The following SYT1 variants were observed in gnomAD, a reference collection of about 807,000 sequenced individuals.
SYT1 encodes synaptotagmin-1.
In SYT1, 8 loss-of-function variants were observed where a neutral mutation model predicts 44.8. The ratio of observed to expected loss-of-function variants is 0.18; its 90% CI spans 0.10 to 0.32. The LOEUF is 0.32. Ranked by LOEUF, SYT1 falls within the 10% of genes least tolerant of loss-of-function variation. The pLI, the probability that SYT1 is intolerant of heterozygous loss-of-function variation, is 1.00. For synonymous variants in SYT1, 154 were observed against 188.8 expected (o/e 0.82, Z 1.51); for missense variants, 286 against 509.3 (o/e 0.56, Z 4.22).
At chr12:78,923,512 C>A (rs1877123660) in intron 1 of SYT1, among the ~76,000 whole-genome samples, 3 of 151,686 alleles carry the variant, frequency 2.0e-5, no homozygotes, top group South Asian at 2.1e-4. Context: ...AGCTGACTTA[C>A]CCTTAAATTG....
intron 3 of SYT1, among the ~76,000 whole-genome samples, chr12:79,098,300 T>TAAAGAGGCCCC (rs1878263205): frequency 6.6e-6 from 1 of 152,056 alleles, no homozygotes; most frequent in Non-Finnish European, 1.5e-5. Context: ...CCCCTAATAA[T>TAAAGAGGCCCC]TCTAAGTTAC....
intron 2 of SYT1, among the ~76,000 whole-genome samples, chr12:78,997,739 C>T (rs919132877): frequency 2.6e-5 from 4 of 151,378 alleles, no homozygotes; most frequent in Admixed American, 6.6e-5. Context: ...TAGGAAAGGC[C>T]GTGAGGAAGA....
intron 4 of SYT1, among the ~76,000 whole-genome samples, chr12:79,227,784 G>A (rs1385351666): frequency 6.6e-6 from 1 of 152,086 alleles, no homozygotes; most frequent in African/African-American, 2.4e-5. Context: ...ATGTGAAGTC[G>A]TTAGCAGAGT....
chr12:78,950,738 A>AATCAG (rs1317285628), intron 1 of SYT1, among the ~76,000 whole-genome samples: 6 of 152,064 alleles, frequency 3.9e-5, no homozygotes, highest in African/African-American at 1.4e-4. Flanking sequence ...ATGCTTTTTT[A>AATCAG]ATCAGATGGT....
At chr12:79,054,876 T>C (rs1001277711) in intron 3 of SYT1, among the ~76,000 whole-genome samples, 5 of 152,094 alleles carry the variant, frequency 3.3e-5, no homozygotes, top group African/African-American at 9.6e-5. Flanking sequence ...GATTCAGTGT[T>C]TTGTCACTTT....
At chr12:79,081,777 A>G (rs1877051269) in intron 3 of SYT1, among the ~76,000 whole-genome samples, 1 of 151,916 alleles carries the variant, frequency 6.6e-6, no homozygotes, top group African/African-American at 2.4e-5. Context: ...CTTCCTATCA[A>G]ATTTAAAATT....
intron 8 of SYT1, among the ~76,000 whole-genome samples, chr12:79,308,984 A>G (rs1203736409): frequency 6.6e-6 from 1 of 152,272 alleles, no homozygotes; most frequent in Non-Finnish European, 1.5e-5. Flanking sequence ...TAAGAGCAGT[A>G]GTATGAGTGC....
At chr12:78,958,693 C>T (rs1025573502) in intron 1 of SYT1, among the ~76,000 whole-genome samples, 1 of 144,896 alleles carries the variant, frequency 6.9e-6, no homozygotes, top group Non-Finnish European at 1.5e-5. Flanking sequence ...AAAACTCTTT[C>T]TGAAGAGAAA....
intron 3 of SYT1, among the ~76,000 whole-genome samples, chr12:79,133,034 T>C (rs1193334939): frequency 6.6e-6 from 1 of 152,132 alleles, no homozygotes; most frequent in Non-Finnish European, 1.5e-5. Context: ...ATGTGGAAGC[T>C]AAAAAGTTTC....
At chr12:79,192,602 C>T (rs776288530) in intron 3 of SYT1, among the ~76,000 whole-genome samples, 1 of 152,092 alleles carries the variant, frequency 6.6e-6, no homozygotes, top group Non-Finnish European at 1.5e-5. Flanking sequence ...GGAAGAGACA[C>T]TTGTTTTGAA....
At chr12:79,306,116 G>A (rs73351052) in intron 8 of SYT1, among the ~76,000 whole-genome samples, 1,679 of 152,248 alleles carry the variant, frequency 0.011, 32 homozygotes, top group African/African-American at 0.038. Flanking sequence ...TGTCTGTTTT[G>A]TTTATCTACT....
At chr12:79,160,448 G>T (rs2138303327) in intron 3 of SYT1, among the ~76,000 whole-genome samples, 1 of 152,228 alleles carries the variant, frequency 6.6e-6, no homozygotes, top group African/African-American at 2.4e-5. Context: ...AAGAAGTTAT[G>T]TTCACGTGAA....
chr12:79,308,626 AAG>A (rs138477261), intron 8 of SYT1, among the ~76,000 whole-genome samples: 1 of 69,986 alleles, frequency 1.4e-5, no homozygotes, highest in Non-Finnish European at 2.6e-5. Context: ...GAAAGAAAGA[AAG>A]AAAGAAAGAA....
At chr12:79,300,825 T>TATATA (rs1880115546) in intron 8 of SYT1, among the ~76,000 whole-genome samples, 1 of 72,434 alleles carries the variant, frequency 1.4e-5, no homozygotes, top group African/African-American at 4.5e-5. Flanking sequence ...ATATATATAT[T>TATATA]TACTGTCTCA....
At chr12:79,119,454 C>G (rs556171053) in intron 3 of SYT1, among the ~76,000 whole-genome samples, 75 of 152,122 alleles carry the variant, frequency 4.9e-4, no homozygotes, top group African/African-American at 1.8e-3. Context: ...ACACACAACT[C>G]CTTACATATT....
intron 9 of SYT1, among the ~76,000 whole-genome samples, chr12:79,377,084 A>T (rs562864710): frequency 1.5e-5 from 2 of 131,690 alleles, no homozygotes; most frequent in African/African-American, 6.5e-5. Flanking sequence ...CCTTTTAGAG[A>T]TGTTTATGTA....
At chr12:79,026,660 ATATATTT>A (rs1163818419) in intron 2 of SYT1, among the ~76,000 whole-genome samples, 144 of 82,020 alleles carry the variant, frequency 1.8e-3, no homozygotes, top group African/African-American at 6.2e-3. Context: ...GTATATACAT[ATATATTT>A]TATATATATA....
chr12:78,899,627 T>A (rs1875550646), intron 1 of SYT1, among the ~76,000 whole-genome samples: 1 of 151,960 alleles, frequency 6.6e-6, no homozygotes, highest in Admixed American at 6.6e-5. Context: ...TTTTCTTTTT[T>A]CTTATTCAAG....
At chr12:79,270,102 T>C (rs1029634527) in intron 4 of SYT1, among the ~76,000 whole-genome samples, 2 of 152,192 alleles carry the variant, frequency 1.3e-5, no homozygotes, top group African/African-American at 4.8e-5. Flanking sequence ...ATGATTATCC[T>C]TGTGTGTTTT....
Sources: allele counts gnomAD v4.1 joint callset (sites outside exome capture counted in the v4.1 genomes callset), GRCh38; gene constraint gnomAD v4.1.1; transcripts MANE v1.5; gene names NCBI Gene and HGNC (gene_info 2026-07-23, HGNC 2026-07-21).